The following IGBP1 variants were observed in gnomAD, a reference collection of about 807,000 sequenced individuals.
The protein encoded by IGBP1 is immunoglobulin binding protein 1.
In IGBP1, 2 loss-of-function variants were observed where a neutral mutation model predicts 25.9. That is an observed-to-expected ratio of 0.08 (90% CI 0.03 to 0.24). IGBP1 has a LOEUF of 0.24. Ranked by LOEUF, IGBP1 falls within the 10% of genes least tolerant of loss-of-function variation. The probability of loss-of-function intolerance (pLI) is 1.00; values close to 1 mark genes in which losing one functional copy is unlikely to be tolerated. For synonymous variants in IGBP1, 96 were observed against 93.4 expected, an observed-to-expected ratio of 1.03 and a Z score of -0.16; for missense variants, 187 against 260.4, an observed-to-expected ratio of 0.72 and a Z score of 1.94.
chrX:70,146,611 G>A (rs2085168019), intron 3 of IGBP1, 22 bp from the exon 4 acceptor site: 3 of 1,181,184 alleles, frequency 2.5e-6, no homozygotes, highest in Non-Finnish European at 3.5e-6. Flanking sequence ...AAGTTCATGG[G>A]TAATGCTTTT....
chrX:70,139,139 A>G (rs1266575976), intron 3 of IGBP1, among the ~76,000 whole-genome samples: 6 of 110,467 alleles, frequency 5.4e-5, no homozygotes, highest in Non-Finnish European at 1.1e-4. Flanking sequence ...GCGAAACCCC[A>G]TCTCTACTAA....
chrX:70,162,701 C>T (rs905092964), intron 6 of IGBP1, among the ~76,000 whole-genome samples: 1 of 111,963 alleles, frequency 8.9e-6, no homozygotes, highest in Non-Finnish European at 1.9e-5. Flanking sequence ...GGGCCGGGCG[C>T]GGTGGCTCAC....
chrX:70,134,269 GTACATTGTT>G, intron 2 of IGBP1, 134 bp downstream of exon 2: 2 of 617,009 alleles, frequency 3.2e-6, no homozygotes, highest in Non-Finnish European at 2.6e-6. Context: ...GCGATCTTGT[GTACATTGTT>G]TACATTCCCC....
chrX:70,145,727 C>T (rs1164622139), intron 3 of IGBP1, among the ~76,000 whole-genome samples: 2 of 111,738 alleles, frequency 1.8e-5, no homozygotes, highest in African/African-American at 6.5e-5. Flanking sequence ...TCCCACCTCA[C>T]AGCCCTCGTA....
At chrX:70,155,494 C>CAA (rs57946963) in intron 6 of IGBP1, among the ~76,000 whole-genome samples, 578 of 36,328 alleles carry the variant, frequency 0.016, 19 homozygotes, top group African/African-American at 0.049. Flanking sequence ...GACTCTGTCT[C>CAA]AAAAAAAAAA....
chrX:70,160,139 T>C (rs1296970271), intron 6 of IGBP1, among the ~76,000 whole-genome samples: 1 of 111,073 alleles, frequency 9.0e-6, no homozygotes, highest in Non-Finnish European at 1.9e-5. Flanking sequence ...TCCCTGGGGC[T>C]GAGACACTGC....
At chrX:70,141,324 G>A (rs2085128591) in intron 3 of IGBP1, among the ~76,000 whole-genome samples, 1 of 109,216 alleles carries the variant, frequency 9.2e-6, no homozygotes, top group Non-Finnish European at 1.9e-5. Context: ...TCTAGCCTGG[G>A]CGACAGAGCA....
chrX:70,141,778 C>A (rs1391965548), intron 3 of IGBP1, among the ~76,000 whole-genome samples: 2 of 111,409 alleles, frequency 1.8e-5, no homozygotes, highest in Non-Finnish European at 3.8e-5. Context: ...CATTTAGCAA[C>A]CCCCCACCAG....
chrX:70,152,624 T>C, intron 6 of IGBP1, among the ~76,000 whole-genome samples: 1 of 112,087 alleles, frequency 8.9e-6, no homozygotes, highest in Admixed American at 9.5e-5. Context: ...AATATGTTTG[T>C]AATTAATGAA....
chrX:70,143,428 G>A (rs2085144937), intron 3 of IGBP1, among the ~76,000 whole-genome samples: 2 of 112,486 alleles, frequency 1.8e-5, no homozygotes, highest in Non-Finnish European at 3.8e-5. Context: ...CACAAAAGAT[G>A]AACGAAAGGA....
rs200563299 is a variant in IGBP1, at chrX:70,150,293, C to T, written c.842C>T (p.Pro281Leu). 1.9e-5 allele frequency: 23 copies of T among 1,194,077 alleles called. No homozygotes were observed. The East Asian group carries it at 3.3e-4, about 17-fold the overall frequency. The change falls in exon 6 of 7, where the codon CCG becomes CTG. Residue 281 changes from proline to leucine, a missense_variant. Physicochemically the swap from Pro to Leu is moderately conservative, Grantham distance 98. Transcript: ENST00000356413. ...CAACATCGGAAATATGGAGCATTAC[C>T]GGATCAGGGAATAGCCAAGGCAGCA... ...YEQHRKYGALPDQGIAKAAPE... is the reference protein window; with the variant it reads ...YEQHRKYGALLDQGIAKAAPE...
chrX:70,164,856 C>T (rs745325698), intron 6 of IGBP1: 4 of 111,702 alleles, frequency 3.6e-5, no homozygotes, highest in African/African-American at 1.3e-4. Context: ...TTGGGAGGGC[C>T]GAGACCAGCC....
intron 4 of IGBP1, among the ~76,000 whole-genome samples, chrX:70,147,998 C>T (rs1218005440): frequency 8.9e-6 from 1 of 112,104 alleles, no homozygotes; most frequent in Non-Finnish European, 1.9e-5. Context: ...GAGTGCTTTT[C>T]AAGCATTTTG....
At position 70,142,567 on chromosome X, in the gene IGBP1, G is replaced by A. The variant is rs774647727; in HGVS notation, c.483-4066G>A. On this transcript the variant is annotated intron_variant, in intron 3 of 6. Coordinates refer to ENST00000356413, the MANE Select transcript of IGBP1 (RefSeq NM_001551.3). The stretch of plus-strand genomic sequence containing the variant: ...GGCACAGTGGCTTGTGCCTTTAATC[G>A]CAGCACTTTGGGAGGCTGAGGCAGG... 1.0e-4 allele frequency among the ~76,000 whole-genome samples: 11 copies of A among 110,316 alleles called. No homozygotes were observed. The South Asian group carries it at 2.0e-3, about 20-fold the overall frequency.
At chrX:70,159,672 T>G (rs1198611812) in intron 6 of IGBP1, among the ~76,000 whole-genome samples, 1 of 111,434 alleles carries the variant, frequency 9.0e-6, no homozygotes, top group Non-Finnish European at 1.9e-5. Flanking sequence ...TAGCTGTGAT[T>G]CCTAACCTGG....
At chrX:70,158,676 AC>A (rs2147588675) in intron 6 of IGBP1, among the ~76,000 whole-genome samples, 1 of 109,500 alleles carries the variant, frequency 9.1e-6, no homozygotes, top group Admixed American at 9.8e-5. Context: ...TACTAAAAAT[AC>A]AAAAAAAAAA....
At chrX:70,154,182 C>T (rs746776030) in intron 6 of IGBP1, among the ~76,000 whole-genome samples, 1 of 108,669 alleles carries the variant, frequency 9.2e-6, no homozygotes, top group Non-Finnish European at 1.9e-5. Flanking sequence ...TTCTCCTGCC[C>T]CAGCCTCCTG....
intron 5 of IGBP1, chrX:70,149,041 C>A (rs1251391185): frequency 1.7e-5 from 7 of 402,336 alleles, no homozygotes; most frequent in Non-Finnish European, 3.1e-5. Context: ...CCAGCCTGAC[C>A]AACATGGAGA....
Position 70,165,965 on chromosome X carries a change from G to C in IGBP1, c.1004G>C (p.Arg335Pro). ...ACCCATCCTAGGGGCTATGGGAACC[G>C]ACAGAACATGGGCTGATCTTCCCAC... ...KDTHPRGYGN[R>P]QNMG The change falls in exon 7 of 7, where the codon CGA (arginine) becomes CCA (proline). Residue 335 changes from arginine to proline, a missense_variant. Arg to Pro is a moderately radical substitution (Grantham distance 103). Transcript: ENST00000356413. The C allele has an allele frequency of 8.3e-7, 1 of 1,211,135 alleles. No homozygotes were observed. Among genetic ancestry groups the C allele is most frequent in the Non-Finnish European group, 1.1e-6 (1 of 895,125 alleles).
Sources: allele counts gnomAD v4.1 joint callset (sites outside exome capture counted in the v4.1 genomes callset), GRCh38; gene constraint gnomAD v4.1.1; transcripts MANE v1.5; gene names NCBI Gene and HGNC (gene_info 2026-07-23, HGNC 2026-07-21).